Variants in NUFIP1 observed in about 807,000 individuals in gnomAD.
NUFIP1 encodes the protein FMR1-interacting protein NUFIP1.
NUFIP1 carries 38 observed loss-of-function variants against 56.2 expected under a neutral mutation model. The ratio of observed to expected loss-of-function variants is 0.68; its 90% confidence interval spans 0.52 to 0.89. The LOEUF (loss-of-function observed/expected upper bound fraction) is 0.89. Ranked by LOEUF, NUFIP1 falls within the 40% of genes least tolerant of loss-of-function variation. The pLI is 0.00. For synonymous variants in NUFIP1, 215 were observed against 212.4 expected (o/e 1.01, Z -0.10); for missense variants, 567 against 605.8 (o/e 0.94, Z 0.67).
At chr13:44,967,690 G>T (rs955722102) in intron 5 of NUFIP1, among the ~76,000 whole-genome samples, 1 of 152,200 alleles carries the variant, frequency 6.6e-6, no homozygotes, top group South Asian at 2.1e-4. Flanking sequence ...GTTATGAACA[G>T]GGAGAGATAT....
intron 9 of NUFIP1, 104 bp downstream of exon 9, chr13:44,943,338 T>C: frequency 1.0e-6 from 1 of 959,434 alleles, no homozygotes; most frequent in Non-Finnish European, 1.6e-6. Context: ...GTGTCTCTGG[T>C]AACCTTAAAA....
At chr13:44,984,878 G>A (rs1220780586) in intron 1 of NUFIP1, among the ~76,000 whole-genome samples, 2 of 151,842 alleles carry the variant, frequency 1.3e-5, no homozygotes, top group African/African-American at 4.8e-5. Flanking sequence ...CCCCACAACA[G>A]TCCCCAGAGT....
chr13:44,949,504 A>G (rs541163635), intron 8 of NUFIP1, among the ~76,000 whole-genome samples: 1 of 152,198 alleles, frequency 6.6e-6, no homozygotes, highest in African/African-American at 2.4e-5. Flanking sequence ...CCCGGCCTAT[A>G]TTGTATTTTT....
intron 4 of NUFIP1, 98 bp downstream of exon 4, chr13:44,979,792 T>C (rs530033837): frequency 1.3e-6 from 1 of 776,892 alleles, no homozygotes; most frequent in East Asian, 2.7e-5. Context: ...ACTCCATTAG[T>C]GTTACCTATT....
intron 9 of NUFIP1, among the ~76,000 whole-genome samples, chr13:44,942,050 G>A (rs953517856): frequency 1.3e-5 from 2 of 152,046 alleles, no homozygotes; most frequent in East Asian, 1.9e-4. Flanking sequence ...TGGGATTACA[G>A]GCATGCTCCA....
chr13:44,980,961 C>A lies in NUFIP1; in HGVS notation c.496-141G>T, dbSNP rs1872168834. ...GTGGGAGAAGCTTGTGAGTATATTTCCAATGAAGAGATTATTCTATTTCTT... is the reference window on the plus strand; with the variant it reads ...GTGGGAGAAGCTTGTGAGTATATTTACAATGAAGAGATTATTCTATTTCTT... On this transcript the variant is annotated intron_variant, in intron 2 of 9. Transcript: ENST00000379161. The A allele has an allele frequency of 9.0e-6, 5 of 556,868 alleles. No homozygotes were observed. The East Asian group carries it at 1.6e-4, about 18-fold the overall frequency. The allele number at this position is 556,868 out of a possible 1,614,324, so 34.5% of individuals were successfully genotyped here. A position where few individuals can be genotyped will look rare whatever the true frequency, so the allele number is the denominator to read the frequency against.
Position 44,989,177 on chromosome 13 carries a change from G to A in NUFIP1, c.260C>T (p.Pro87Leu), listed in dbSNP as rs758253647. The A allele has an allele frequency of 6.2e-7, 1 of 1,612,946 alleles. No individual in the cohort carries two copies. The highest frequency in any genetic ancestry group is 1.1e-5 in the South Asian group (1 of 90,952). ...GGCGTCGAAGGGGGGTTGCGCCCCG[G>A]GAAGAATCTGGGCGTCGAAGGGGGG... is the stretch of plus-strand genomic sequence containing the variant. ...APPPFDAQILPGAQPPFDAQS... is the reference protein window; with the variant it reads ...APPPFDAQILLGAQPPFDAQS... Residue 87 changes from proline (P) to leucine (L), a missense_variant, in exon 1 of 10, where the codon CCC becomes CTC. By Grantham distance (98) the Pro-to-Leu change is moderately conservative. Transcript: ENST00000379161.
At chr13:44,959,343 A>G (rs752808579) in intron 7 of NUFIP1, 38 bp downstream of exon 7, 2 of 1,572,628 alleles carry the variant, frequency 1.3e-6, no homozygotes, top group Non-Finnish European at 1.7e-6. Context: ...ATCATTGTCT[A>G]TACACTTATA....
chr13:44,986,660 C>G (rs190096336), intron 1 of NUFIP1, among the ~76,000 whole-genome samples: 1 of 149,842 alleles, frequency 6.7e-6, no homozygotes, highest in Non-Finnish European at 1.5e-5. Flanking sequence ...CCACTGCACT[C>G]CAGCCTGGGC....
chr13:44,974,428 C>T (rs555547402), intron 5 of NUFIP1, among the ~76,000 whole-genome samples: 91 of 152,152 alleles, frequency 6.0e-4, no homozygotes, highest in Non-Finnish European at 1.1e-3. Context: ...CTATTCCAAG[C>T]CCTGGTAGAG....
chr13:44,986,408 G>T (rs1872392641), intron 1 of NUFIP1, among the ~76,000 whole-genome samples: 1 of 152,286 alleles, frequency 6.6e-6, no homozygotes, highest in South Asian at 2.1e-4. Context: ...TAGAAGTGGA[G>T]GGGCCAGGCG....
intron 6 of NUFIP1, 70 bp from the exon 7 acceptor site, chr13:44,959,644 A>G (rs1871356357): frequency 2.3e-6 from 3 of 1,306,878 alleles, no homozygotes; most frequent in Non-Finnish European, 3.2e-6. Flanking sequence ...GAAAAAGACT[A>G]CTAGATACAA....
chr13:44,954,318 C>T (rs938129818), intron 7 of NUFIP1, among the ~76,000 whole-genome samples: 5 of 152,248 alleles, frequency 3.3e-5, no homozygotes, highest in Non-Finnish European at 5.9e-5. Flanking sequence ...TCACCTCTCT[C>T]GTATACACAC....
intron 6 of NUFIP1, among the ~76,000 whole-genome samples, chr13:44,964,719 G>GA (rs934242157): frequency 6.6e-6 from 1 of 151,646 alleles, no homozygotes; most frequent in Non-Finnish European, 1.5e-5. Context: ...AAGGTTGGGG[G>GA]AAAAAAACGA....
intron 8 of NUFIP1, among the ~76,000 whole-genome samples, chr13:44,945,444 C>T (rs1222740186): frequency 6.6e-6 from 1 of 151,862 alleles, no homozygotes; most frequent in Non-Finnish European, 1.5e-5. Flanking sequence ...AAAAGAAAAA[C>T]TGGTAGAAAT....
In NUFIP1 at chr13:44,979,945, T is replaced by G. The variant is rs767128016; in HGVS notation, c.602A>C (p.Glu201Ala). ...KHMSEHTKCP[E>A]LDCSFTAHEK... The stretch of plus-strand genomic sequence containing the variant: ...GTGTGCAGTAAAAGAGCAATCTAAT[T>G]CAGGGCACTATGAGTTTTTAAAAGA... Residue 201 changes from glutamate to alanine, a missense_variant, in exon 4 of 10, where the codon GAA (glutamate) becomes GCA (alanine). By Grantham distance (107) the Glu-to-Ala change is moderately radical (BLOSUM62 -1). Coordinates refer to ENST00000379161, the MANE Select transcript of NUFIP1 (RefSeq NM_012345.3). 1.9e-6 allele frequency: 3 copies of G among 1,599,948 alleles called. No homozygotes were observed. The highest frequency in any genetic ancestry group is 2.6e-6 in the Non-Finnish European group (3 of 1,175,556).
rs982873774 is a variant in NUFIP1, at chr13:44,980,730, G to C, written c.586C>G (p.His196Asp). 11 of 1,598,056 alleles carry C rather than the reference G, an allele frequency of 6.9e-6. No individual in the cohort carries two copies. In the African/African-American group the frequency reaches 1.3e-4, roughly 20 times the overall value. Residue 196 changes from histidine to aspartate, a missense_variant, in exon 3 of 10, where the codon CAT (histidine) becomes GAT (aspartate). Transcript: ENST00000379161. The stretch of plus-strand genomic sequence containing the variant: ...CAACTAAGAAAACCTACTTTTGTAT[G>C]TTCAGACATGTGTTTGTCATACTTT... ...QEKYDKHMSE[H>D]TKCPELDCSF...
At chr13:44,956,380 T>G (rs1386436922) in intron 7 of NUFIP1, among the ~76,000 whole-genome samples, 8 of 152,102 alleles carry the variant, frequency 5.3e-5, no homozygotes, top group Admixed American at 4.6e-4. Context: ...GGACCAGTTT[T>G]GTGGAAGACA....
At chr13:44,988,675 G>C (rs1000802325) in intron 1 of NUFIP1, among the ~76,000 whole-genome samples, 1 of 152,156 alleles carries the variant, frequency 6.6e-6, no homozygotes, top group Non-Finnish European at 1.5e-5. Context: ...ATAAATAACT[G>C]CTAAATGGAA....
Sources: gnomAD v4.1 joint callset for allele counts (sites outside exome capture counted in the v4.1 genomes callset) on GRCh38, gnomAD v4.1.1 for gene constraint, MANE v1.5 for transcripts, NCBI Gene and HGNC (gene_info 2026-07-23, HGNC 2026-07-21) for gene names.